The following METTL3 variants were observed in gnomAD, a reference collection of about 807,000 sequenced individuals.
METTL3 encodes the protein methyltransferase 3, N6-adenosine-methyltransferase complex catalytic subunit.
A neutral mutation model predicts 64.3 loss-of-function variants in METTL3; 42 were observed. The ratio of observed to expected loss-of-function variants is 0.65; its 90% CI spans 0.51 to 0.84. The LOEUF is 0.84. Among genes scored for constraint, METTL3 ranks in the 40% least tolerant of loss-of-function variants. The pLI, the probability that METTL3 is intolerant of heterozygous loss-of-function variation, is 0.00. For synonymous variants in METTL3, 256 were observed against 263.6 expected, an observed-to-expected ratio of 0.97 and a Z score of 0.28; for missense variants, 435 against 722.3, an observed-to-expected ratio of 0.60 and a Z score of 4.56.
Position 21,501,833 on chromosome 14 carries a change from C to T in METTL3, c.794G>A (p.Arg265His), listed in dbSNP as rs528078976. 8.1e-6 allele frequency: 13 copies of T among 1,614,064 alleles called. No homozygotes were observed. The highest frequency in any genetic ancestry group is 1.7e-4 in the Middle Eastern group (1 of 6,060). The change falls in exon 4 of 11, where the codon CGC (arginine) becomes CAC (histidine). Residue 265 changes from arginine to histidine, a missense_variant. Coordinates refer to ENST00000298717, the MANE Select transcript of METTL3 (RefSeq NM_019852.5). Reference sequence around the variant, plus strand: ...TTGCACTTGGGCCCGACCTCGAGAGCGAAATTTTTCAACAATGGATTGTTC... The same window carrying T: ...TTGCACTTGGGCCCGACCTCGAGAGTGAAATTTTTCAACAATGGATTGTTC... Reference protein sequence around the residue: ...AKEQSIVEKFRSRGRAQVQEF... With the variant: ...AKEQSIVEKFHSRGRAQVQEF...
chr14:21,498,439 G>T, intron 10 of METTL3, 70 bp from the exon 11 acceptor site: 8 of 1,460,654 alleles, frequency 5.5e-6, no homozygotes, highest in Non-Finnish European at 7.6e-6. Context: ...GTTAAAAAAT[G>T]CATACCAAAT....
At position 21,499,108 on chromosome 14, in the gene METTL3, T is replaced by A. The variant is rs1891489059; in HGVS notation, c.1548A>T (p.Glu516Asp). 4 of 1,614,012 alleles carry A rather than the reference T, an allele frequency of 2.5e-6. No individual in the cohort carries two copies. The highest frequency in any genetic ancestry group is 3.4e-6 in the Non-Finnish European group (4 of 1,179,986). Residue 516 changes from glutamate to aspartate, a missense_variant, in exon 10 of 11, where the codon GAA becomes GAT. Coordinates refer to ENST00000298717, the MANE Select transcript of METTL3 (RefSeq NM_019852.5). The part of the protein sequence containing the change: ...EVRSTSHKPD[E>D]IYGMIERLSP... ...ATAGTCTTTCAATCATGCCATAGAT[T>A]TCATCTGGTTTATGACTGGTGGAAC... is the stretch of plus-strand genomic sequence containing the variant.
Position 21,500,506 on chromosome 14 carries a change from C to T in METTL3, c.1293G>A (p.Trp431Ter). The change falls in exon 6 of 11, where the codon TGG becomes TGA. Residue 431 changes from tryptophan to a stop codon, truncating the protein, a stop_gained. Transcript: ENST00000298717. LOFTEE classifies it high-confidence loss of function. ...CTGAATTGCATTACCTGCCTGTGAC[C>T]CAGAGGAAGAGAAAGCCATCATCCT... ...VLQDDGFLFL[W>*]VTGRAMELGR... 1 of 1,614,064 alleles carries T rather than the reference C, an allele frequency of 6.2e-7. No individual in the cohort carries two copies. The highest frequency in any genetic ancestry group is 8.5e-7 in the Non-Finnish European group (1 of 1,180,018).
chr14:21,502,012 C>CATT, intron 3 of METTL3, 109 bp from the exon 4 acceptor site: 2 of 457,332 alleles, frequency 4.4e-6, no homozygotes, highest in Non-Finnish European at 3.7e-6. Context: ...GATAAATCAA[C>CATT]TTTTTTTTTT....
At chr14:21,505,832 G>A (rs540951982) in intron 1 of METTL3, among the ~76,000 whole-genome samples, 2 of 152,228 alleles carry the variant, frequency 1.3e-5, no homozygotes, top group East Asian at 1.9e-4. Flanking sequence ...CTAATCTAAC[G>A]AAAATAATGT....
intron 3 of METTL3, 34 bp from the exon 4 acceptor site, chr14:21,501,937 T>A (rs896539869): frequency 1.2e-6 from 2 of 1,604,664 alleles, no homozygotes; most frequent in South Asian, 1.1e-5. Context: ...TTAAAATGTC[T>A]TATAGATCAA....
At chr14:21,510,015 A>G (rs1891794597) in intron 1 of METTL3, among the ~76,000 whole-genome samples, 1 of 152,120 alleles carries the variant, frequency 6.6e-6, no homozygotes, top group Admixed American at 6.5e-5. Flanking sequence ...CAATTCCACT[A>G]TGATGGTTTT....
intron 1 of METTL3, among the ~76,000 whole-genome samples, chr14:21,505,631 T>C (rs1891678802): frequency 6.6e-6 from 1 of 152,198 alleles, no homozygotes; most frequent in Admixed American, 6.5e-5. Flanking sequence ...TCCCTAAACT[T>C]TTCACGTGCA....
At chr14:21,500,838 C>T (rs979872096) in intron 5 of METTL3, 75 bp downstream of exon 5, 9 of 1,481,016 alleles carry the variant, frequency 6.1e-6, no homozygotes, top group Middle Eastern at 1.8e-4. Flanking sequence ...TTATGCTCTG[C>T]TTTCTTAACG....
intron 1 of METTL3, 59 bp downstream of exon 1, chr14:21,511,065 C>T (rs944257209): frequency 2.5e-6 from 4 of 1,578,640 alleles, no homozygotes; most frequent in Non-Finnish European, 3.4e-6. Flanking sequence ...AGCTTTTTCT[C>T]TAGGGATCCC....
intron 9 of METTL3, 42 bp from the exon 10 acceptor site, chr14:21,499,179 T>G (rs1318374247): frequency 1.9e-6 from 3 of 1,587,886 alleles, no homozygotes; most frequent in South Asian, 2.2e-5. Context: ...TACACAAGAT[T>G]GCAATTCTAG....
chr14:21,499,064 A>G lies in METTL3; in HGVS notation c.1592T>C (p.Ile531Thr), dbSNP rs1891487557. 1.9e-6 allele frequency: 3 copies of G among 1,614,172 alleles called. No individual in the cohort carries two copies. Among genetic ancestry groups the G allele is most frequent in the Non-Finnish European group, 2.5e-6 (3 of 1,180,030 alleles). The stretch of plus-strand genomic sequence containing the variant: ...ATTGTGTGGTCGTCCAAATAACTCA[A>G]TCTTGCGAGTGCCAGGAGATAGTCT... Reference protein sequence around the residue: ...IERLSPGTRKIELFGRPHNVQ... With the variant: ...IERLSPGTRKTELFGRPHNVQ... Residue 531 changes from isoleucine (I) to threonine (T), a missense_variant, in exon 10 of 11, where the codon ATT (isoleucine) becomes ACT (threonine). Physicochemically the swap from Ile to Thr is moderately conservative, Grantham distance 89. This residue lies in a region of METTL3 where 38 missense variants were observed against 102.3 expected (regional missense o/e 0.37). Transcript: ENST00000298717.
intron 6 of METTL3, among the ~76,000 whole-genome samples, chr14:21,500,241 G>T (rs1229544929): frequency 6.6e-6 from 1 of 152,114 alleles, no homozygotes; most frequent in Non-Finnish European, 1.5e-5. Flanking sequence ...GCACGTGCCT[G>T]TAATCCCAGC....
chr14:21,498,802 A>G, intron 10 of METTL3: 1 of 534,266 alleles, frequency 1.9e-6, no homozygotes, highest in Non-Finnish European at 3.3e-6. Flanking sequence ...TGAAGAGAGT[A>G]GAAACCCTAG....
At chr14:21,505,001 T>C (rs1263665121) in intron 1 of METTL3, 5 of 151,884 alleles carry the variant, frequency 3.3e-5, no homozygotes, top group Admixed American at 3.3e-4. Flanking sequence ...GGAAACTGAA[T>C]TTATTAAAAT....
intron 3 of METTL3, 135 bp downstream of exon 3, chr14:21,503,037 TG>T: frequency 1.0e-6 from 1 of 953,524 alleles, no homozygotes; most frequent in Non-Finnish European, 1.6e-6. Flanking sequence ...CCAGATCCCC[TG>T]GGAGTTGGGC....
intron 1 of METTL3, 177 bp downstream of exon 1, chr14:21,510,947 C>A (rs1405715299): frequency 1.5e-6 from 1 of 683,540 alleles, no homozygotes; most frequent in Non-Finnish European, 2.3e-6. Flanking sequence ...GAGGAGGAAC[C>A]GCGAACTACT....
chr14:21,509,979 T>C (rs999718821), intron 1 of METTL3, among the ~76,000 whole-genome samples: 1 of 152,184 alleles, frequency 6.6e-6, no homozygotes, highest in African/African-American at 2.4e-5. Context: ...AGGTCCTATA[T>C]AGCCATAAAG....
chr14:21,498,376 C>T lies in METTL3; in HGVS notation c.1632-7G>A. 1.2e-6 allele frequency: 2 copies of T among 1,613,954 alleles called. No homozygotes were observed. The highest frequency in any genetic ancestry group is 1.7e-6 in the Non-Finnish European group (2 of 1,179,964). ...TTGGTTTCCAAGGGTGATCCTGAAACAGTGTAAAAGGAGGGGCAAACCAGA... is the reference window on the plus strand; with the variant it reads ...TTGGTTTCCAAGGGTGATCCTGAAATAGTGTAAAAGGAGGGGCAAACCAGA... On this transcript the variant is annotated splice_region_variant and splice_polypyrimidine_tract_variant and intron_variant, in intron 10 of 10. Transcript: ENST00000298717.
Sources: gnomAD v4.1 joint callset for allele counts (sites outside exome capture counted in the v4.1 genomes callset) on GRCh38, gnomAD v4.1.1 for gene constraint, gnomAD v4.1.1 regional missense constraint, MANE v1.5 for transcripts, NCBI Gene and HGNC (gene_info 2026-07-23, HGNC 2026-07-21) for gene names.